Variants in MTHFD1L observed in about 807,000 individuals in gnomAD.
MTHFD1L encodes the protein monofunctional C1-tetrahydrofolate synthase, mitochondrial.
MTHFD1L carries 81 observed loss-of-function variants against 119.5 expected under a neutral mutation model. The observed-to-expected ratio is 0.68, with a 90% CI of 0.57 to 0.82. MTHFD1L has a LOEUF of 0.82. Among genes scored for constraint, MTHFD1L ranks in the 40% least tolerant of loss-of-function variants. MTHFD1L has a pLI of 0.00. For missense variants in MTHFD1L, 1,125 were observed against 1,253.4 expected, an observed-to-expected ratio of 0.90 and a Z score of 1.55; for synonymous variants, 430 against 475.2, an observed-to-expected ratio of 0.90 and a Z score of 1.24.
chr6:151,072,786 T>C (rs1792079950), intron 26 of MTHFD1L, among the ~76,000 whole-genome samples: 1 of 151,872 alleles, frequency 6.6e-6, no homozygotes, highest in Non-Finnish European at 1.5e-5. Flanking sequence ...CCAGCCTGGA[T>C]GACAGAGTGA....
intron 11 of MTHFD1L, among the ~76,000 whole-genome samples, chr6:150,932,756 G>A (rs1233897081): frequency 2.1e-5 from 3 of 143,236 alleles, no homozygotes; most frequent in South Asian, 2.2e-4. Flanking sequence ...CAACAAGAGC[G>A]AAACTCCATG....
chr6:151,091,245 T>TTCCATGCGACTGGGTGCAGCATTGC (rs1562652273), intron 26 of MTHFD1L, among the ~76,000 whole-genome samples: 4 of 36,230 alleles, frequency 1.1e-4, no homozygotes, highest in Non-Finnish European at 2.2e-4. Context: ...TGCAGCATCG[T>TTCCATGCGACTGGGTGCAGCATTGC]TCCATGCGAC....
intron 1 of MTHFD1L, among the ~76,000 whole-genome samples, chr6:150,871,495 CTTTTTTTTTTTTT>C (rs149449398): frequency 2.9e-5 from 3 of 102,086 alleles, no homozygotes; most frequent in Non-Finnish European, 3.8e-5. Flanking sequence ...CTACTGTAAT[CTTTTTTTTTTTTT>C]TTTTTTTTTT....
intron 17 of MTHFD1L, 100 bp from the exon 18 acceptor site, chr6:150,960,175 T>C: frequency 6.9e-7 from 1 of 1,452,016 alleles, no homozygotes; most frequent in East Asian, 2.3e-5. Context: ...GTAGACTCTC[T>C]GGGCCTGTGG....
chr6:150,906,456 G>T, intron 8 of MTHFD1L, among the ~76,000 whole-genome samples: 1 of 152,210 alleles, frequency 6.6e-6, no homozygotes, highest in Non-Finnish European at 1.5e-5. Context: ...TTTCCAGTTC[G>T]TAGAAGGACT....
chr6:151,083,765 T>G (rs1189102224), intron 26 of MTHFD1L, among the ~76,000 whole-genome samples: 1 of 152,196 alleles, frequency 6.6e-6, no homozygotes, highest in East Asian at 1.9e-4. Context: ...CCATTTACAC[T>G]TTTCAGATAG....
intron 19 of MTHFD1L, among the ~76,000 whole-genome samples, chr6:150,966,970 A>G (rs951019219): frequency 1.3e-5 from 2 of 152,324 alleles, no homozygotes; most frequent in African/African-American, 2.4e-5. Flanking sequence ...GGGGTGCAGG[A>G]TGCACAGGTG....
At chr6:150,948,227 G>C (rs768753075) in intron 15 of MTHFD1L, among the ~76,000 whole-genome samples, 1 of 151,892 alleles carries the variant, frequency 6.6e-6, no homozygotes, top group South Asian at 2.1e-4. Context: ...GGCTGGTCTC[G>C]AACTCCTGAC....
At chr6:151,034,256 G>T (rs1268191277) in intron 24 of MTHFD1L, among the ~76,000 whole-genome samples, 3 of 151,656 alleles carry the variant, frequency 2.0e-5, no homozygotes, top group Non-Finnish European at 4.4e-5. Flanking sequence ...CCTCTAAATT[G>T]CCTGAACACC....
chr6:150,965,292 AT>A (rs56111225), intron 19 of MTHFD1L, among the ~76,000 whole-genome samples: 43 of 151,284 alleles, frequency 2.8e-4, no homozygotes, highest in African/African-American at 6.0e-4. Flanking sequence ...AAAAAAAAAA[AT>A]TTTTAAGTGT....
intron 21 of MTHFD1L, among the ~76,000 whole-genome samples, chr6:151,011,737 T>TA: frequency 6.6e-6 from 1 of 152,220 alleles, no homozygotes; most frequent in East Asian, 1.9e-4. Context: ...GGAACAGGGT[T>TA]AGTAGGCACA....
Position 150,932,816 on chromosome 6 carries a change from G to GAGGA in MTHFD1L, c.1257-3964_1257-3961dup, listed in dbSNP as rs60832992. Among the ~76,000 whole-genome samples the GAGGA allele has an allele frequency of 3.2e-3, 384 of 119,544 alleles. 5 individuals carry two copies. The highest frequency in any genetic ancestry group is 0.013 in the South Asian group (48 of 3,700). 78.4% of individuals were successfully genotyped at this position (119,544 alleles called of 152,430 possible). On this transcript the variant is annotated intron_variant, in intron 11 of 27. Transcript: ENST00000367321. ...GAAGAAAGGGAGGAAGAGAGGGAGG[G>GAGGA]AGGAAGGAAGGAAGGAAGGAAGGAA...
chr6:151,061,383 G>A (rs375352635), intron 26 of MTHFD1L, among the ~76,000 whole-genome samples: 2 of 152,062 alleles, frequency 1.3e-5, no homozygotes, highest in East Asian at 3.9e-4. Flanking sequence ...AGTCCCCAAG[G>A]TTTTTATTGG....
chr6:150,947,082 A>T (rs1352490794), intron 15 of MTHFD1L, among the ~76,000 whole-genome samples: 1 of 81,652 alleles, frequency 1.2e-5, no homozygotes, highest in East Asian at 2.2e-4. Context: ...CTCAAAAAAG[A>T]AAAAAAAAAA....
chr6:150,874,672 A>G (rs943096591), intron 1 of MTHFD1L, among the ~76,000 whole-genome samples: 2 of 152,130 alleles, frequency 1.3e-5, no homozygotes, highest in African/African-American at 4.8e-5. Flanking sequence ...CCCAGTGCTC[A>G]TGTGCTGCTG....
At chr6:150,885,593 C>T in intron 5 of MTHFD1L, 41 bp from the exon 6 acceptor site, 1 of 1,515,440 alleles carries the variant, frequency 6.6e-7, no homozygotes, top group Admixed American at 1.7e-5. Context: ...ATTTTTTTGG[C>T]TGGGCTTTGA....
chr6:151,099,868 G>A, intron 27 of MTHFD1L: 1 of 1,578,090 alleles, frequency 6.3e-7, no homozygotes, highest in Non-Finnish European at 8.6e-7. Context: ...CGTGGAAAGA[G>A]CTGCCCAACT....
At chr6:150,876,365 T>A (rs9322290) in intron 2 of MTHFD1L, among the ~76,000 whole-genome samples, 191 bp downstream of exon 2, 1 of 152,140 alleles carries the variant, frequency 6.6e-6, no homozygotes, top group Non-Finnish European at 1.5e-5. Context: ...TGTCTTCTTT[T>A]GTGAATTTTC....
chr6:151,092,356 A>C, intron 26 of MTHFD1L, 111 bp from the exon 27 acceptor site: 1 of 770,580 alleles, frequency 1.3e-6, no homozygotes, highest in Non-Finnish European at 2.1e-6. Flanking sequence ...TCCCATATAA[A>C]ACCTAAAGTT....
Sources: allele counts gnomAD v4.1 joint callset (sites outside exome capture counted in the v4.1 genomes callset), GRCh38; gene constraint gnomAD v4.1.1; transcripts MANE v1.5; gene names NCBI Gene and HGNC (gene_info 2026-07-23, HGNC 2026-07-21).